Variants in KLHL29 observed in about 807,000 individuals in gnomAD.
KLHL29 encodes the protein kelch like family member 29.
KLHL29 carries 21 observed loss-of-function variants against 80.4 expected under a neutral mutation model. The observed-to-expected ratio is 0.26, with a 90% confidence interval of 0.19 to 0.38. The LOEUF (loss-of-function observed/expected upper bound fraction) is 0.38, where lower values mean the gene tolerates loss of function less well. Among genes scored for constraint, KLHL29 ranks in the 10% least tolerant of loss-of-function variants. The probability of loss-of-function intolerance (pLI) is 1.00; values close to 1 mark genes in which losing one functional copy is unlikely to be tolerated. For missense variants in KLHL29, 867 were observed against 1,223.9 expected, an observed-to-expected ratio of 0.71 and a Z score of 4.35; for synonymous variants, 511 against 526.8, an observed-to-expected ratio of 0.97 and a Z score of 0.41.
intron 5 of KLHL29, among the ~76,000 whole-genome samples, chr2:23,653,164 A>G (rs1370699292): frequency 6.6e-6 from 1 of 152,202 alleles, no homozygotes. Flanking sequence ...ATGTCAGAGT[A>G]GGATGCTACC....
chr2:23,444,868 C>G (rs1178284805), intron 1 of KLHL29, among the ~76,000 whole-genome samples: 2 of 152,106 alleles, frequency 1.3e-5, no homozygotes, highest in Non-Finnish European at 2.9e-5. Context: ...ATTATGTTAT[C>G]AATTTTATAA....
intron 5 of KLHL29, among the ~76,000 whole-genome samples, chr2:23,674,958 C>T (rs1163558450): frequency 6.6e-6 from 1 of 152,198 alleles, no homozygotes; most frequent in Admixed American, 6.5e-5. Flanking sequence ...CCCCACAGAG[C>T]TCTTCCAGGT....
chr2:23,427,098 C>G (rs1420178007), intron 1 of KLHL29, among the ~76,000 whole-genome samples: 1 of 152,176 alleles, frequency 6.6e-6, no homozygotes, highest in South Asian at 2.1e-4. Flanking sequence ...CTGAATGTCC[C>G]TACTCTTTTT....
intron 2 of KLHL29, among the ~76,000 whole-genome samples, chr2:23,516,928 G>A (rs1653777): frequency 0.59 from 90,212 of 152,136 alleles, 27,733 homozygotes; most frequent in Non-Finnish European, 0.69. Flanking sequence ...GCCAGCCCAT[G>A]TCTCTGAAGA....
intron 2 of KLHL29, among the ~76,000 whole-genome samples, chr2:23,511,117 G>A (rs1291595653): frequency 6.6e-6 from 1 of 152,042 alleles, no homozygotes; most frequent in Non-Finnish European, 1.5e-5. Context: ...TCCTTCTGAG[G>A]GCCCTCAGAC....
At chr2:23,447,494 G>A (rs1663733176) in intron 1 of KLHL29, among the ~76,000 whole-genome samples, 1 of 152,166 alleles carries the variant, frequency 6.6e-6, no homozygotes, top group African/African-American at 2.4e-5. Context: ...GGAAATTTCT[G>A]CATTTGTTGT....
intron 1 of KLHL29, among the ~76,000 whole-genome samples, chr2:23,431,832 T>A (rs1245890907): frequency 6.8e-6 from 1 of 146,542 alleles, no homozygotes; most frequent in Non-Finnish European, 1.5e-5. Flanking sequence ...AGGCGGAGCT[T>A]GCAGTAGTCA....
chr2:23,426,573 T>C (rs544039643), intron 1 of KLHL29, among the ~76,000 whole-genome samples: 1 of 152,384 alleles, frequency 6.6e-6, no homozygotes, highest in South Asian at 2.1e-4. Context: ...TCCCCGCTGC[T>C]GCAAATAAAC....
intron 2 of KLHL29, among the ~76,000 whole-genome samples, chr2:23,478,347 G>C (rs537029275): frequency 6.6e-6 from 1 of 152,104 alleles, no homozygotes; most frequent in Admixed American, 6.5e-5. Context: ...GGAAGGTTCC[G>C]AGGCCCCTAG....
chr2:23,624,583 C>T (rs1669265480), intron 3 of KLHL29, among the ~76,000 whole-genome samples: 2 of 152,224 alleles, frequency 1.3e-5, no homozygotes, highest in South Asian at 4.1e-4. Context: ...TTTGGTCTCA[C>T]AGCCAATAGC....
chr2:23,436,716 C>T (rs1195370638), intron 1 of KLHL29, among the ~76,000 whole-genome samples: 1 of 152,194 alleles, frequency 6.6e-6, no homozygotes, highest in Non-Finnish European at 1.5e-5. Flanking sequence ...GCCTGGCTTC[C>T]GCAGCCGTGG....
chr2:23,581,141 A>G (rs1368174430), intron 3 of KLHL29, among the ~76,000 whole-genome samples: 1 of 151,860 alleles, frequency 6.6e-6, no homozygotes, highest in Non-Finnish European at 1.5e-5. Flanking sequence ...GGAGTGTAGC[A>G]TTTAAACAAT....
rs550281539 is a variant in KLHL29 at position 23,491,538 on chromosome 2, G to C, written c.-46+15871G>C. Among the ~76,000 whole-genome samples the C allele has an allele frequency of 5.3e-3, 692 of 130,428 alleles. 7 individuals are homozygous for C. Among genetic ancestry groups the C allele is most frequent in the African/African-American group, 0.019 (667 of 34,572 alleles). 85.6% of individuals were successfully genotyped at this position (130,428 alleles called of 152,430 possible). A position where few individuals can be genotyped will look rare whatever the true frequency, so the allele number is the denominator to read the frequency against. The stretch of plus-strand genomic sequence containing the variant: ...GGGCTTATAGCTCCCATGCATGCAA[G>C]CCTTCCCCCGCTGGGCCAGCAGCTC... On this transcript the variant is annotated intron_variant, in intron 2 of 13. Coordinates refer to ENST00000486442, the MANE Select transcript of KLHL29 (RefSeq NM_052920.2).
intron 2 of KLHL29, among the ~76,000 whole-genome samples, chr2:23,481,093 T>A (rs990582576): frequency 6.6e-6 from 1 of 152,238 alleles, no homozygotes; most frequent in Non-Finnish European, 1.5e-5. Flanking sequence ...GGAGATTTTT[T>A]AAATTCTCAT....
chr2:23,472,895 G>A lies in KLHL29; in HGVS notation c.-153-2665G>A, dbSNP rs528507304. Among the ~76,000 whole-genome samples the A allele has an allele frequency of 3.3e-5, 5 of 152,168 alleles. No individual in the cohort carries two copies. The East Asian group carries it at 5.8e-4, about 18-fold the overall frequency. Reference sequence around the variant, plus strand: ...AACCCTCTCTGTGAATGTATCTATCGGGGTCTTGAAATAGACATATTCAAA... The same window carrying A: ...AACCCTCTCTGTGAATGTATCTATCAGGGTCTTGAAATAGACATATTCAAA... On this transcript the variant is annotated intron_variant, in intron 1 of 13. Coordinates refer to ENST00000486442, the MANE Select transcript of KLHL29 (RefSeq NM_052920.2).
Position 23,706,959 on chromosome 2 carries a change from A to G in KLHL29, c.*295A>G, listed in dbSNP as rs1672767253. The G allele has an allele frequency of 3.6e-6, 1 of 274,288 alleles. No individual in the cohort carries two copies. Among genetic ancestry groups the G allele is most frequent in the Non-Finnish European group, 6.8e-6 (1 of 147,778 alleles). 17.0% of individuals were successfully genotyped at this position (274,288 alleles called of 1,614,324 possible). ...GCAATAGAGTTTCACGTATTTTTCA[A>G]CTGGGAGAGAGAAGCTGTTTTTTCC... is the stretch of plus-strand genomic sequence containing the variant. On this transcript the variant is annotated 3_prime_UTR_variant, in exon 14 of 14. Transcript: ENST00000486442.
At chr2:23,454,126 C>A (rs1346242048) in intron 1 of KLHL29, among the ~76,000 whole-genome samples, 1 of 152,196 alleles carries the variant, frequency 6.6e-6, no homozygotes, top group East Asian at 1.9e-4. Context: ...GGACTTTTAA[C>A]CTGTGGGTCA....
At chr2:23,494,638 C>T (rs760943754) in intron 2 of KLHL29, among the ~76,000 whole-genome samples, 8 of 152,164 alleles carry the variant, frequency 5.3e-5, no homozygotes, top group Non-Finnish European at 8.8e-5. Context: ...GTTCTGAGAA[C>T]AGGATTTGTT....
intron 2 of KLHL29, among the ~76,000 whole-genome samples, chr2:23,540,041 T>C (rs1216796205): frequency 1.3e-5 from 2 of 152,168 alleles, no homozygotes; most frequent in African/African-American, 4.8e-5. Context: ...CCTCCCACTT[T>C]GGAACTTCCT....
Sources: gnomAD v4.1 joint callset for allele counts (sites outside exome capture counted in the v4.1 genomes callset) on GRCh38, gnomAD v4.1.1 for gene constraint, MANE v1.5 for transcripts, NCBI Gene and HGNC (gene_info 2026-07-23, HGNC 2026-07-21) for gene names.